The following SYT9 variants were observed in gnomAD, a reference collection of about 807,000 sequenced individuals.
The protein encoded by SYT9 is synaptotagmin-9.
Under a neutral mutation model 48.4 loss-of-function variants are expected in SYT9, and 22 were observed. The ratio of observed to expected loss-of-function variants is 0.45; its 90% CI spans 0.32 to 0.65. SYT9 has a LOEUF of 0.65. Among genes scored for constraint, SYT9 ranks in the 30% least tolerant of loss-of-function variants. The probability of loss-of-function intolerance (pLI) is 0.03; values close to 1 mark genes in which losing one functional copy is unlikely to be tolerated. For missense variants in SYT9, 577 were observed against 622.0 expected (o/e 0.93, Z 0.77); for synonymous variants, 265 against 245.0 (o/e 1.08, Z -0.76).
At chr11:7,406,215 A>G (rs1847004977) in intron 3 of SYT9, among the ~76,000 whole-genome samples, 1 of 152,090 alleles carries the variant, frequency 6.6e-6, no homozygotes, top group Non-Finnish European at 1.5e-5. Flanking sequence ...TATAAAATAT[A>G]TTGTTGCTAC....
intron 3 of SYT9, among the ~76,000 whole-genome samples, chr11:7,335,456 T>C (rs909286409): frequency 6.6e-6 from 1 of 152,038 alleles, no homozygotes; most frequent in Non-Finnish European, 1.5e-5. Flanking sequence ...TTCTGATCCT[T>C]TCCCTCCTCC....
At chr11:7,457,947 T>G (rs1848176093) in intron 6 of SYT9, 1 of 152,216 alleles carries the variant, frequency 6.6e-6, no homozygotes, top group South Asian at 2.1e-4. Context: ...TCATTTGCTG[T>G]ATTGTAAGAA....
chr11:7,399,803 CCTCA>C (rs1846847107), intron 3 of SYT9, among the ~76,000 whole-genome samples: 3 of 152,228 alleles, frequency 2.0e-5, no homozygotes, highest in African/African-American at 7.2e-5. Context: ...AAGCTTGCAT[CCTCA>C]CTGTTTTCAA....
At chr11:7,440,260 CCT>C (rs1196751063) in intron 6 of SYT9, 6 of 152,098 alleles carry the variant, frequency 3.9e-5, no homozygotes, top group Non-Finnish European at 8.8e-5. Flanking sequence ...TTGGAACCCC[CCT>C]GAGTAGAAAA....
chr11:7,466,456 C>T (rs1488901777), intron 6 of SYT9, among the ~76,000 whole-genome samples: 1 of 152,184 alleles, frequency 6.6e-6, no homozygotes, highest in African/African-American at 2.4e-5. Flanking sequence ...GGCACAGTGA[C>T]TCACGCCTGT....
intron 3 of SYT9, among the ~76,000 whole-genome samples, chr11:7,393,327 A>G (rs980463504): frequency 2.0e-5 from 3 of 148,118 alleles, no homozygotes; most frequent in African/African-American, 7.5e-5. Flanking sequence ...AGTAATGTTG[A>G]ATTTTATCTA....
At chr11:7,269,214 TG>T (rs976525618) in intron 1 of SYT9, among the ~76,000 whole-genome samples, 1 of 151,466 alleles carries the variant, frequency 6.6e-6, no homozygotes, top group African/African-American at 2.4e-5. Context: ...TCAAATCAGT[TG>T]GGGGGGTGGG....
intron 6 of SYT9, among the ~76,000 whole-genome samples, chr11:7,448,427 G>A (rs1847978432): frequency 6.6e-6 from 1 of 152,240 alleles, no homozygotes; most frequent in Admixed American, 6.5e-5. Context: ...TCCGTTCAGG[G>A]CTCCAAATCC....
intron 1 of SYT9, among the ~76,000 whole-genome samples, chr11:7,274,158 T>C (rs559344367): frequency 2.6e-5 from 4 of 152,350 alleles, no homozygotes; most frequent in South Asian, 2.1e-4. Flanking sequence ...TGCTGTGCTA[T>C]GTAGAACTGC....
chr11:7,437,484 G>A (rs1186420370), intron 6 of SYT9: 3 of 152,036 alleles, frequency 2.0e-5, no homozygotes, highest in Non-Finnish European at 2.9e-5. Context: ...CCCATAATGG[G>A]CCACTGCCCA....
intron 3 of SYT9, among the ~76,000 whole-genome samples, chr11:7,388,805 T>C (rs1850708528): frequency 6.6e-6 from 1 of 152,170 alleles, no homozygotes; most frequent in Non-Finnish European, 1.5e-5. Flanking sequence ...CGAGTTTAAT[T>C]GCGTTATGAT....
At chr11:7,278,653 T>C (rs1396418530) in intron 1 of SYT9, among the ~76,000 whole-genome samples, 1 of 152,234 alleles carries the variant, frequency 6.6e-6, no homozygotes, top group Non-Finnish European at 1.5e-5. Flanking sequence ...TGTTGTGTTC[T>C]ATAATACGGA....
At chr11:7,410,413 A>G (rs956636092) in intron 3 of SYT9, among the ~76,000 whole-genome samples, 9 of 152,152 alleles carry the variant, frequency 5.9e-5, no homozygotes. Flanking sequence ...TGTCTAGATG[A>G]TTTGACTAAT....
At chr11:7,453,434 GC>G (rs1564909485) in intron 6 of SYT9, among the ~76,000 whole-genome samples, 1 of 152,146 alleles carries the variant, frequency 6.6e-6, no homozygotes, top group Non-Finnish European at 1.5e-5. Context: ...TGTTTACTGA[GC>G]CCCGCCATAT....
intron 2 of SYT9, among the ~76,000 whole-genome samples, chr11:7,306,646 G>A (rs1014374840): frequency 3.3e-5 from 5 of 151,672 alleles, no homozygotes; most frequent in Admixed American, 2.6e-4. Flanking sequence ...TCCTTTTTTT[G>A]TCCTTCTTGG....
At chr11:7,319,192 C>CTTTTTTTTTTTTTTTTTTTTTTTT (rs71056795) in intron 3 of SYT9, among the ~76,000 whole-genome samples, 4 of 86,168 alleles carry the variant, frequency 4.6e-5, no homozygotes, top group East Asian at 4.4e-4. Context: ...TCTTCTTTTT[C>CTTTTTTTTTTTTTTTTTTTTTTTT]TTTTTTTTTT....
intron 6 of SYT9, among the ~76,000 whole-genome samples, chr11:7,433,553 A>G (rs1377981429): frequency 1.3e-5 from 2 of 152,278 alleles, no homozygotes; most frequent in Admixed American, 6.5e-5. Flanking sequence ...GAGTGCTTGC[A>G]TCCTCCCAAA....
chr11:7,425,862 C>A (rs1334720722), intron 6 of SYT9, among the ~76,000 whole-genome samples: 3 of 152,094 alleles, frequency 2.0e-5, no homozygotes, highest in African/African-American at 7.2e-5. Context: ...TGCTCCCCCC[C>A]AATATAGTCC....
At chr11:7,278,471 A>G (rs1307957614) in intron 1 of SYT9, among the ~76,000 whole-genome samples, 1 of 152,176 alleles carries the variant, frequency 6.6e-6, no homozygotes, top group African/African-American at 2.4e-5. Flanking sequence ...ACTGAGCCCT[A>G]AGATTCTGCA....
Sources: allele counts gnomAD v4.1 joint callset (sites outside exome capture counted in the v4.1 genomes callset), GRCh38; gene constraint gnomAD v4.1.1; transcripts MANE v1.5; gene names NCBI Gene and HGNC (gene_info 2026-07-23, HGNC 2026-07-21).